The following ZNF821 variants were observed in gnomAD, a reference collection of about 807,000 sequenced individuals.
ZNF821 encodes the protein zinc finger protein 821.
ZNF821 carries 16 observed loss-of-function variants against 44.3 expected under a neutral mutation model. The ratio of observed to expected loss-of-function variants is 0.36; its 90% CI spans 0.24 to 0.55. The LOEUF (loss-of-function observed/expected upper bound fraction) is 0.55. Among genes scored for constraint, ZNF821 ranks in the 20% least tolerant of loss-of-function variants. ZNF821 has a pLI of 0.86. For missense variants in ZNF821, 436 were observed against 547.6 expected (o/e 0.80, Z 2.03); for synonymous variants, 204 against 197.6 (o/e 1.03, Z -0.27).
At chr16:71,862,688 CTTTTCAAGA>C (rs1394884895) in intron 6 of ZNF821, among the ~76,000 whole-genome samples, 1 of 147,376 alleles carries the variant, frequency 6.8e-6, no homozygotes, top group African/African-American at 2.5e-5. Flanking sequence ...CTTTCTCAAT[CTTTTCAAGA>C]TAGTCTTCTG....
At chr16:71,865,362 C>T (rs914985524) in intron 4 of ZNF821, among the ~76,000 whole-genome samples, 1 of 152,110 alleles carries the variant, frequency 6.6e-6, no homozygotes, top group Non-Finnish European at 1.5e-5. Flanking sequence ...ATCACACCTC[C>T]CCAAGCACCT....
At chr16:71,864,347 C>A (rs1286565973) in intron 5 of ZNF821, 105 bp from the exon 6 acceptor site, 2 of 886,250 alleles carry the variant, frequency 2.3e-6, no homozygotes. Context: ...AGACTGATGG[C>A]GCATGTTATT....
rs556295266 is a variant in ZNF821, at chr16:71,874,991, T to C, written c.40+4916A>G. On this transcript the variant is annotated intron_variant, in intron 3 of 7. Transcript: ENST00000425432. ...TGAAACTAGCAAATCTCAGTTTTTC[T>C]TTTTTAGTCAAGCTTAGTGTATCAC... 2.0e-5 allele frequency among the ~76,000 whole-genome samples: 3 copies of C among 152,322 alleles called. No homozygotes were observed. The South Asian group carries it at 6.2e-4, about 32-fold the overall frequency.
At chr16:71,885,294 G>T (rs952855358), upstream of ZNF821, 7 of 152,362 alleles carry the variant, frequency 4.6e-5, no homozygotes, top group Non-Finnish European at 8.8e-5. Context: ...AGCAGGGAAT[G>T]CAGAGGAAAG....
intron 5 of ZNF821, 133 bp downstream of exon 5, chr16:71,864,770 T>G: frequency 8.9e-7 from 1 of 1,128,626 alleles, no homozygotes; most frequent in Non-Finnish European, 1.3e-6. Flanking sequence ...TCTGGTGCCA[T>G]GAAGGAAGAG....
chr16:71,879,338 T>A (rs921596376), intron 3 of ZNF821, among the ~76,000 whole-genome samples: 2 of 150,784 alleles, frequency 1.3e-5, no homozygotes, highest in African/African-American at 4.9e-5. Flanking sequence ...TGTTTTTTAA[T>A]TTTTTTTTTC....
At chr16:71,877,100 GAAGA>G (rs879602441) in intron 3 of ZNF821, among the ~76,000 whole-genome samples, 2 of 152,094 alleles carry the variant, frequency 1.3e-5, no homozygotes, top group Non-Finnish European at 2.9e-5. Context: ...GACTTAAATA[GAAGA>G]AAGAATTTTA....
intron 1 of ZNF821, among the ~76,000 whole-genome samples, chr16:71,892,178 CAAAAAAAAA>C (rs560376648): frequency 1.7e-3 from 53 of 31,928 alleles, no homozygotes; most frequent in Admixed American, 4.1e-3. Flanking sequence ...AACTCCGTCT[CAAAAAAAAA>C]AAAAAAAAAA....
At chr16:71,863,194 C>T (rs2034114942) in intron 6 of ZNF821, among the ~76,000 whole-genome samples, 1 of 152,018 alleles carries the variant, frequency 6.6e-6, no homozygotes, top group Non-Finnish European at 1.5e-5. Flanking sequence ...CTGCGCCTGG[C>T]CCATGTTAAC....
At chr16:71,868,389 A>C (rs1399319485) in intron 3 of ZNF821, among the ~76,000 whole-genome samples, 1 of 152,198 alleles carries the variant, frequency 6.6e-6, no homozygotes, top group Non-Finnish European at 1.5e-5. Flanking sequence ...GGGCAAAGTG[A>C]TGGGATGAAG....
chr16:71,865,619 G>T (rs191653408), intron 4 of ZNF821, among the ~76,000 whole-genome samples: 1 of 152,122 alleles, frequency 6.6e-6, no homozygotes, highest in Non-Finnish European at 1.5e-5. Context: ...ATAGGGAAAG[G>T]GCTGCTCATT....
exon 1 of ZNF821, chr16:71,894,978 AG>A: frequency 1.4e-6 from 1 of 717,548 alleles, no homozygotes; most frequent in African/African-American, 1.8e-5. Context: ...GCTGGTCCAA[AG>A]GGCAACCGGA....
At chr16:71,875,207 CTG>C (rs1204034207) in intron 3 of ZNF821, among the ~76,000 whole-genome samples, 27 of 152,326 alleles carry the variant, frequency 1.8e-4, no homozygotes, top group Middle Eastern at 3.4e-3. Flanking sequence ...TCGCTTGACT[CTG>C]TAACTTCATT....
chr16:71,884,394 C>G (rs918667249), upstream of ZNF821, among the ~76,000 whole-genome samples: 5 of 152,112 alleles, frequency 3.3e-5, no homozygotes, highest in African/African-American at 1.2e-4. Flanking sequence ...CCGCCTCGCC[C>G]ATTCCCGGGT....
In ZNF821 at chr16:71,861,881, C is replaced by A; in HGVS notation, c.479G>T (p.Ser160Ile). The change falls in exon 7 of 8, where the codon AGC becomes ATC. Residue 160 changes from serine to isoleucine, a missense_variant. Around this residue, in one of 5 missense-constraint regions of ZNF821, gnomAD observed 238 missense variants for 281.4 expected, o/e 0.85. Transcript: ENST00000425432. ...GTGGCGACCCAATGACCCCGGGGAG[C>A]TAAGGGCCCGGCCACAGACAGGACA... The part of the protein sequence containing the change: ...YMCPVCGRAL[S>I]SPGSLGRHLL... 1 of 1,614,182 alleles carries A rather than the reference C, an allele frequency of 6.2e-7. No individual in the cohort carries two copies. Among genetic ancestry groups the A allele is most frequent in the Non-Finnish European group, 8.5e-7 (1 of 1,180,036 alleles).
chr16:71,861,969 G>A, intron 6 of ZNF821, 27 bp from the exon 7 acceptor site: 6 of 1,610,876 alleles, frequency 3.7e-6, no homozygotes, highest in Non-Finnish European at 4.2e-6. Flanking sequence ...TGATCTGTCA[G>A]TCTTGCGCTA....
At chr16:71,875,964 C>G (rs1402570298) in intron 3 of ZNF821, among the ~76,000 whole-genome samples, 1 of 152,184 alleles carries the variant, frequency 6.6e-6, no homozygotes, top group East Asian at 1.9e-4. Context: ...GGAGATGCAG[C>G]TTATGGATAT....
chr16:71,877,442 A>G lies in ZNF821; in HGVS notation c.40+2465T>C, dbSNP rs551950741. Among the ~76,000 whole-genome samples, 13 of 151,966 alleles carry G rather than the reference A, an allele frequency of 8.6e-5. No homozygotes were observed. In the South Asian group the frequency reaches 2.5e-3, roughly 29 times the overall value. ...GGCCTAGTTTTTTTGTATTTTTTTGAAAAAACGGGGTTTTGCCATGTTGCT... is the reference window on the plus strand; with the variant it reads ...GGCCTAGTTTTTTTGTATTTTTTTGGAAAAACGGGGTTTTGCCATGTTGCT... On this transcript the variant is annotated intron_variant, in intron 3 of 7. Coordinates refer to ENST00000425432, the MANE Select transcript of ZNF821 (RefSeq NM_001201552.2).
At chr16:71,874,213 C>G in intron 3 of ZNF821, among the ~76,000 whole-genome samples, 1 of 151,814 alleles carries the variant, frequency 6.6e-6, no homozygotes, top group Non-Finnish European at 1.5e-5. Context: ...CCACCCGCCT[C>G]GGCCTCCCAA....
Sources: gnomAD v4.1 joint callset for allele counts (sites outside exome capture counted in the v4.1 genomes callset) on GRCh38, gnomAD v4.1.1 for gene constraint, gnomAD v4.1.1 regional missense constraint, MANE v1.5 for transcripts, NCBI Gene and HGNC (gene_info 2026-07-23, HGNC 2026-07-21) for gene names.